The following DOCK1 variants were observed in gnomAD, a reference collection of about 807,000 sequenced individuals.
The protein encoded by DOCK1 is dedicator of cytokinesis protein 1.
DOCK1 carries 138 observed loss-of-function variants against 262.7 expected under a neutral mutation model. The ratio of observed to expected loss-of-function variants is 0.53; its 90% CI spans 0.46 to 0.61. The LOEUF is 0.61. Among genes scored for constraint, DOCK1 ranks in the 20% least tolerant of loss-of-function variants. DOCK1 has a pLI of 0.00. For synonymous variants in DOCK1, 866 were observed against 867.4 expected, an observed-to-expected ratio of 1.00 and a Z score of 0.03; for missense variants, 1,908 against 2,370.7, an observed-to-expected ratio of 0.80 and a Z score of 4.05.
intron 2 of DOCK1, among the ~76,000 whole-genome samples, chr10:126,972,555 A>G (rs527568534): frequency 5.1e-4 from 77 of 152,124 alleles, no homozygotes; most frequent in Middle Eastern, 6.8e-3. Flanking sequence ...TTTTAGCAAA[A>G]CCCTTCCACA....
intron 50 of DOCK1, among the ~76,000 whole-genome samples, chr10:127,445,268 A>C (rs528149506): frequency 6.6e-6 from 1 of 152,110 alleles, no homozygotes; most frequent in African/African-American, 2.4e-5. Context: ...TGTGGCACAG[A>C]GAGGGGTCCC....
intron 23 of DOCK1, among the ~76,000 whole-genome samples, chr10:127,065,738 A>T (rs1238315609): frequency 6.6e-6 from 1 of 152,104 alleles, no homozygotes; most frequent in Non-Finnish European, 1.5e-5. Context: ...ACCTTGAGTG[A>T]ATGATGCGGC....
intron 29 of DOCK1, among the ~76,000 whole-genome samples, chr10:127,321,381 G>A (rs1226287002): frequency 2.1e-4 from 18 of 84,848 alleles, no homozygotes; most frequent in African/African-American, 7.4e-4. Context: ...TTTTTCTTCT[G>A]CCCGGAAGAA....
intron 12 of DOCK1, chr10:127,016,063 C>T (rs2041858380): frequency 6.6e-6 from 1 of 152,242 alleles, no homozygotes; most frequent in African/African-American, 2.4e-5. Flanking sequence ...GTGCTCAGGA[C>T]TTCTCCCGTG....
chr10:127,252,886 A>G (rs964250262), intron 28 of DOCK1, among the ~76,000 whole-genome samples: 6 of 151,854 alleles, frequency 4.0e-5, no homozygotes, highest in Non-Finnish European at 7.4e-5. Flanking sequence ...TTTTGGTTCT[A>G]TTTTCTTGAG....
At chr10:127,273,642 G>A (rs2060642838) in intron 29 of DOCK1, among the ~76,000 whole-genome samples, 1 of 152,056 alleles carries the variant, frequency 6.6e-6, no homozygotes, top group African/African-American at 2.4e-5. Flanking sequence ...AGCATTTTGG[G>A]AGGCTGAGGT....
intron 31 of DOCK1, chr10:127,344,325 A>G (rs2063543117): frequency 1.3e-5 from 2 of 152,260 alleles, no homozygotes; most frequent in Non-Finnish European, 1.5e-5. Context: ...TGCACCGCTC[A>G]TGACTCAGTA....
intron 31 of DOCK1, among the ~76,000 whole-genome samples, chr10:127,345,780 C>A (rs1303721389): frequency 6.6e-6 from 1 of 152,194 alleles, no homozygotes; most frequent in African/African-American, 2.4e-5. Context: ...CTTCTGGAGA[C>A]TGGCTCAGCA....
intron 46 of DOCK1, among the ~76,000 whole-genome samples, chr10:127,425,663 C>T (rs185997814): frequency 6.6e-6 from 1 of 152,086 alleles, no homozygotes; most frequent in African/African-American, 2.4e-5. Context: ...TAGGGCGCAC[C>T]ACACTGGACA....
chr10:127,153,939 A>AG (rs753604943), intron 27 of DOCK1: 124 of 1,608,192 alleles, frequency 7.7e-5, no homozygotes, highest in Non-Finnish European at 9.9e-5. Flanking sequence ...AGATAAGAAC[A>AG]GGAGAGCATT....
chr10:126,907,737 G>C lies in DOCK1; in HGVS notation c.46+2174G>C, dbSNP rs541218073. On this transcript the variant is annotated intron_variant, in intron 1 of 51. Coordinates refer to ENST00000623213, the MANE Select transcript of DOCK1 (RefSeq NM_001290223.2). The stretch of plus-strand genomic sequence containing the variant: ...AGAACGGGGTCTCCTTGCTGGGGAG[G>C]AGGCTGAGGGCCAGAACAGGGCGGT... Among the ~76,000 whole-genome samples the C allele has an allele frequency of 3.9e-4, 60 of 152,224 alleles. 1 individual carries two copies. In the South Asian group the frequency reaches 9.3e-3, roughly 24 times the overall value.
chr10:127,403,129 A>G lies in DOCK1; in HGVS notation c.4002A>G (p.Gln1334=), dbSNP rs749449301. ...QYENEMFDYE[Q]LSELLKKQAQ... is the part of the protein sequence containing the mutation. ...AGAACGAAATGTTTGATTATGAGCA[A>G]CTCAGCGAATTGCTGGTGAGTCTTT... Residue 1334 remains glutamine, a synonymous_variant, in exon 39 of 52, where the codon CAA becomes CAG. Coordinates refer to ENST00000623213, the MANE Select transcript of DOCK1 (RefSeq NM_001290223.2). 2 of 1,610,508 alleles carry G rather than the reference A, an allele frequency of 1.2e-6. No individual in the cohort carries two copies. The highest frequency in any genetic ancestry group is 8.5e-7 in the Non-Finnish European group (1 of 1,178,472).
intron 1 of DOCK1, among the ~76,000 whole-genome samples, chr10:126,948,824 G>C (rs921306336): frequency 2.0e-5 from 3 of 152,020 alleles, no homozygotes; most frequent in Non-Finnish European, 4.4e-5. Flanking sequence ...TCCCTCAAAG[G>C]GAACCTTGCC....
intron 29 of DOCK1, among the ~76,000 whole-genome samples, chr10:127,302,834 CAG>C (rs1156974117): frequency 1.3e-5 from 2 of 149,056 alleles, no homozygotes; most frequent in Non-Finnish European, 1.5e-5. Context: ...TGGGTGAGAA[CAG>C]AGAACAGCAT....
Position 127,446,923 on chromosome 10 carries a change from G to C in DOCK1, c.5414-471G>C, listed in dbSNP as rs2070600933. Among the ~76,000 whole-genome samples, 3 of 152,296 alleles carry C rather than the reference G, an allele frequency of 2.0e-5. No individual in the cohort carries two copies. The South Asian group carries it at 6.2e-4, about 32-fold the overall frequency. On this transcript the variant is annotated intron_variant, in intron 50 of 51. Coordinates refer to ENST00000623213, the MANE Select transcript of DOCK1 (RefSeq NM_001290223.2). The surrounding 1 kb of genome is among the most constrained non-coding windows in gnomAD (Gnocchi z 4.4). ...TCCTGTGGAAAGAGATGGGAAGCTGGGTGGCTGGTCGGCGTGTTAGACTTT... is the reference window on the plus strand; with the variant it reads ...TCCTGTGGAAAGAGATGGGAAGCTGCGTGGCTGGTCGGCGTGTTAGACTTT...
chr10:127,188,110 T>G (rs925992724), intron 27 of DOCK1, among the ~76,000 whole-genome samples: 1 of 152,166 alleles, frequency 6.6e-6, no homozygotes, highest in Non-Finnish European at 1.5e-5. Flanking sequence ...CATTTTTTTC[T>G]AGAATGAACC....
intron 7 of DOCK1, chr10:126,997,723 G>A (rs993531942): frequency 4.2e-6 from 1 of 238,638 alleles, no homozygotes; most frequent in South Asian, 6.5e-5. Flanking sequence ...AGCATCTACT[G>A]TGTACCAAAT....
intron 28 of DOCK1, among the ~76,000 whole-genome samples, chr10:127,252,864 A>T (rs945510452): frequency 2.0e-5 from 3 of 152,116 alleles, no homozygotes; most frequent in Non-Finnish European, 4.4e-5. Flanking sequence ...TGATTTGGCG[A>T]TGCGGGCTCT....
At chr10:127,065,397 G>T (rs2045802338) in intron 23 of DOCK1, among the ~76,000 whole-genome samples, 1 of 152,124 alleles carries the variant, frequency 6.6e-6, no homozygotes, top group African/African-American at 2.4e-5. Flanking sequence ...TTTTAAGGTT[G>T]TCATGTTGCT....
Sources: allele counts gnomAD v4.1 joint callset (sites outside exome capture counted in the v4.1 genomes callset), GRCh38; gene constraint gnomAD v4.1.1; non-coding constraint Gnocchi (gnomAD v3.1); transcripts MANE v1.5; gene names NCBI Gene and HGNC (gene_info 2026-07-23, HGNC 2026-07-21).